F11: variants seen among roughly 807,000 people sequenced by gnomAD.
F11 encodes the protein coagulation factor XI.
F11 carries 78 observed loss-of-function variants against 76.5 expected under a neutral mutation model. The observed-to-expected ratio is 1.02, with a 90% CI of 0.85 to 1.23. The LOEUF (loss-of-function observed/expected upper bound fraction) is 1.23, where lower values mean the gene tolerates loss of function less well. Among genes scored for constraint, F11 ranks in the 50% most tolerant of loss-of-function variants. The pLI, the probability that F11 is intolerant of heterozygous loss-of-function variation, is 0.00. For synonymous variants in F11, 278 were observed against 276.3 expected, an observed-to-expected ratio of 1.01 and a Z score of -0.06; for missense variants, 742 against 771.4, an observed-to-expected ratio of 0.96 and a Z score of 0.45.
At chr4:186,275,636 T>G in intron 5 of F11, 151 bp from the exon 6 acceptor site, 1 of 679,876 alleles carries the variant, frequency 1.5e-6, no homozygotes, top group Non-Finnish European at 2.7e-6. Flanking sequence ...TTAGCAACAC[T>G]GCTGGGACCA....
At chr4:186,284,693 A>G (rs564523224) in intron 11 of F11, among the ~76,000 whole-genome samples, 1 of 152,192 alleles carries the variant, frequency 6.6e-6, no homozygotes, top group African/African-American at 2.4e-5. Flanking sequence ...CACGCCTGTC[A>G]TCTCAGCACT....
rs1394748524 is a variant in F11, at chr4:186,289,402, G to C, written c.*788G>C. 1.3e-5 allele frequency among the ~76,000 whole-genome samples: 2 copies of C among 152,164 alleles called. No individual in the cohort carries two copies. Among genetic ancestry groups the C allele is most frequent in the South Asian group, 4.1e-4 (2 of 4,822 alleles). ...TCAAACCTCCCTAAGACAAGCTGCT[G>C]CTGTGACTATGGGCTCCCAAAGAGC... On this transcript the variant is annotated 3_prime_UTR_variant, in exon 15 of 15. Transcript: ENST00000403665.
rs762996950 is a variant in F11, at chr4:186,271,664, G to A, written c.111G>A (p.Thr37=). The A allele has an allele frequency of 5.2e-5, 84 of 1,614,096 alleles. No homozygotes were observed. The East Asian group carries it at 1.0e-3, about 20-fold the overall frequency. Residue 37 remains threonine, a synonymous_variant, in exon 3 of 15, where the codon ACG becomes ACA. Coordinates refer to ENST00000403665, the MANE Select transcript of F11 (RefSeq NM_000128.4). ...GCTTTGAAGGAGGGGACATTACTAC[G>A]GTCTTCACACCAAGCGCCAAGTACT... is the stretch of plus-strand genomic sequence containing the variant. ...DTCFEGGDIT[T]VFTPSAKYCQ... is the part of the protein sequence containing the mutation.
At chr4:186,281,725 T>A (rs1428943516) in intron 10 of F11, among the ~76,000 whole-genome samples, 1 of 152,230 alleles carries the variant, frequency 6.6e-6, no homozygotes, top group South Asian at 2.1e-4. Flanking sequence ...CAATACACTA[T>A]AAGGTGCAAC....
chr4:186,282,170 G>T, intron 10 of F11: 1 of 1,123,982 alleles, frequency 8.9e-7, no homozygotes, highest in Non-Finnish European at 1.1e-6. Context: ...GAATGAGCAC[G>T]TATACCTCAA....
rs533626812 is a variant in F11, at chr4:186,284,231, G to C, written c.1275G>C (p.Trp425Cys). Residue 425 changes from tryptophan (W) to cysteine (C), a missense_variant, in exon 11 of 15, where the codon TGG becomes TGC. Transcript: ENST00000403665. ...LCGGSIIGNQ[W>C]ILTAAHCFYG... ...GAGGCTCCATCATTGGAAACCAGTG[G>C]ATATTAACAGCCGCTCACTGTTTCT... 4.3e-6 allele frequency: 7 copies of C among 1,614,204 alleles called. No individual in the cohort carries two copies. The African/African-American group carries it at 5.3e-5, about 12-fold the overall frequency.
In F11 at chr4:186,287,388, G is replaced by A. The variant is rs372558775; in HGVS notation, c.1577-296G>A. The stretch of plus-strand genomic sequence containing the variant: ...CACTTGAGGTCAGGAGTTCAAGACT[G>A]GCCTGGCCAACATGGTGAAACCCTG... On this transcript the variant is annotated intron_variant, in intron 13 of 14. Transcript: ENST00000403665. Among the ~76,000 whole-genome samples the A allele has an allele frequency of 1.2e-4, 18 of 151,272 alleles. No homozygotes were observed. In the East Asian group the frequency reaches 2.6e-3, roughly 22 times the overall value.
Position 186,276,247 on chromosome 4 carries a change from T to C in F11, c.612T>C (p.Ile204=). ...GTCGCGCAGCTTGTATTAGGGACAT[T>C]TTCCCTAATACGGTGTTTGCAGACA... ...ALSNLACIRD[I]FPNTVFADSN... The change falls in exon 7 of 15, where the codon ATT becomes ATC. Residue 204 remains isoleucine (I), a synonymous_variant. Transcript: ENST00000403665. The C allele has an allele frequency of 1.2e-6, 2 of 1,614,102 alleles. No individual in the cohort carries two copies. Among genetic ancestry groups the C allele is most frequent in the Non-Finnish European group, 1.7e-6 (2 of 1,180,022 alleles).
intron 10 of F11, 85 bp from the exon 11 acceptor site, chr4:186,284,007 G>T: frequency 1.2e-6 from 2 of 1,605,668 alleles, no homozygotes; most frequent in South Asian, 2.2e-5. Flanking sequence ...CTTGAGGAAA[G>T]GTTTTCTTCT....
At chr4:186,283,027 G>A in intron 10 of F11, 1 of 985,362 alleles carries the variant, frequency 1.0e-6, no homozygotes, top group Non-Finnish European at 1.2e-6. Flanking sequence ...TCAGGACGCG[G>A]AGCCTTCTGA....
chr4:186,289,204 T>C lies in F11; in HGVS notation c.*590T>C, dbSNP rs1741420194. ...CGAGTAGACACGAGCTAAGAGTGAATGTGAAGATAACAGAATTTCTGTGTG... is the reference window on the plus strand; with the variant it reads ...CGAGTAGACACGAGCTAAGAGTGAACGTGAAGATAACAGAATTTCTGTGTG... On this transcript the variant is annotated 3_prime_UTR_variant, in exon 15 of 15. Transcript: ENST00000403665. Among the ~76,000 whole-genome samples, 2 of 152,134 alleles carry C rather than the reference T, an allele frequency of 1.3e-5. No individual in the cohort carries two copies. Among genetic ancestry groups the C allele is most frequent in the African/African-American group, 4.8e-5 (2 of 41,430 alleles).
chr4:186,275,651 C>A, intron 5 of F11, 136 bp from the exon 6 acceptor site: 1 of 696,630 alleles, frequency 1.4e-6, no homozygotes, highest in Middle Eastern at 2.5e-4. Flanking sequence ...GGACCATGCC[C>A]AGCCATTCAG....
chr4:186,277,298 T>C (rs1740461875), intron 7 of F11, among the ~76,000 whole-genome samples: 1 of 152,230 alleles, frequency 6.6e-6, no homozygotes, highest in Non-Finnish European at 1.5e-5. Flanking sequence ...ATTTTCTTTA[T>C]CCATTCATTT....
intron 2 of F11, among the ~76,000 whole-genome samples, chr4:186,268,260 C>G (rs1321021241): frequency 1.3e-5 from 2 of 152,164 alleles, no homozygotes; most frequent in East Asian, 3.9e-4. Context: ...TATAAGTAAT[C>G]TAGAGATGAT....
At chr4:186,282,201 C>G in intron 10 of F11, 1 of 1,060,912 alleles carries the variant, frequency 9.4e-7, no homozygotes, top group Non-Finnish European at 1.2e-6. Context: ...ACTGCATTTT[C>G]CCCCTTCCTT....
rs1561489380 is a variant in F11 at position 186,283,901 on chromosome 4, A to G, written c.1136-191A>G. 2.5e-5 allele frequency: 7 copies of G among 276,312 alleles called. No individual in the cohort carries two copies. In the South Asian group the frequency reaches 9.6e-4, roughly 38 times the overall value. 17.1% of individuals were successfully genotyped at this position (276,312 alleles called of 1,614,324 possible). A position where few individuals can be genotyped will look rare whatever the true frequency, so the allele number is the denominator to read the frequency against. ...TACATTCTTAGGGGTGTGTAATTAC[A>G]AGATGACTTAGTCAATTCCATTTTT... On this transcript the variant is annotated intron_variant, in intron 10 of 14. Transcript: ENST00000403665.
At chr4:186,285,095 C>A (rs3756011) in intron 11 of F11, among the ~76,000 whole-genome samples, 53,741 of 151,984 alleles carry the variant, frequency 0.35, 9,778 homozygotes, top group Non-Finnish European at 0.4. Flanking sequence ...CCAAACTTTC[C>A]GTTTGCTACT....
intron 10 of F11, 39 bp downstream of exon 10, chr4:186,280,619 A>T (rs1386646934): frequency 7.0e-7 from 1 of 1,432,322 alleles, no homozygotes; most frequent in Non-Finnish European, 9.8e-7. Context: ...AGCTGAAGGA[A>T]TTATTCCATG....
At chr4:186,283,971 A>T in intron 10 of F11, 121 bp from the exon 11 acceptor site, 1 of 1,500,188 alleles carries the variant, frequency 6.7e-7, no homozygotes, top group Non-Finnish European at 9.2e-7. Context: ...AAGTCTCTGT[A>T]ACTCAGGGTC....
Sources: allele counts gnomAD v4.1 joint callset (sites outside exome capture counted in the v4.1 genomes callset), GRCh38; gene constraint gnomAD v4.1.1; transcripts MANE v1.5; gene names NCBI Gene and HGNC (gene_info 2026-07-23, HGNC 2026-07-21).